Variants in BMP5 observed in about 807,000 individuals in gnomAD.
The protein encoded by BMP5 is bone morphogenetic protein 5.
Under a neutral mutation model 46.6 loss-of-function variants are expected in BMP5, and 23 were observed. The ratio of observed to expected loss-of-function variants is 0.49; its 90% CI spans 0.35 to 0.70. BMP5 has a LOEUF of 0.70. BMP5 is among the 30% of genes least tolerant of loss of function. BMP5 has a pLI of 0.00. For missense variants in BMP5, 545 were observed against 565.6 expected (o/e 0.96, Z 0.37); for synonymous variants, 204 against 191.9 (o/e 1.06, Z -0.52).
intron 1 of BMP5, among the ~76,000 whole-genome samples, chr6:55,823,190 T>C (rs1460657261): frequency 1.3e-5 from 2 of 152,110 alleles, no homozygotes; most frequent in African/African-American, 2.4e-5. Flanking sequence ...ACCACCTACA[T>C]AATGACATCC....
chr6:55,777,120 C>T (rs201018078), intron 3 of BMP5, among the ~76,000 whole-genome samples: 1 of 152,034 alleles, frequency 6.6e-6, no homozygotes, highest in African/African-American at 2.4e-5. Context: ...TACCCTTGGT[C>T]TTGAGCTACA....
At chr6:55,873,401 A>G (rs569265328) in intron 1 of BMP5, among the ~76,000 whole-genome samples, 1 of 151,962 alleles carries the variant, frequency 6.6e-6, no homozygotes, top group African/African-American at 2.4e-5. Context: ...AACATAAAAT[A>G]TATTCGATGT....
In BMP5 at chr6:55,872,030, A is replaced by G. The variant is rs564742160; in HGVS notation, c.490+2346T>C. On this transcript the variant is annotated intron_variant, in intron 1 of 6. Transcript: ENST00000370830. ...GATATTACATTTAAAAAGCACTGGC[A>G]CTCTTATTGCAGCTAATAATGTTAT... Among the ~76,000 whole-genome samples, 526 of 151,866 alleles carry G rather than the reference A, an allele frequency of 3.5e-3. 2 individuals are homozygous for G. The highest frequency in any genetic ancestry group is 6.0e-3 in the Non-Finnish European group (405 of 67,700).
rs768403901 is a variant in BMP5 at position 55,760,518 on chromosome 6, T to A, written c.1043A>T (p.Glu348Val). ...GTGCTTCTTACAGGCTTGTTTTTGC[T>A]CACTTGTGTTATAATCTGAAGATAA... ...MSSVGDYNTS[E>V]QKQACKKHEL... Residue 348 changes from glutamate to valine, a missense_variant, in exon 5 of 7, where the codon GAG (glutamate) becomes GTG (valine). Glu to Val is a moderately radical substitution (Grantham distance 121). Coordinates refer to ENST00000370830, the MANE Select transcript of BMP5 (RefSeq NM_021073.4). 1.2e-5 allele frequency: 19 copies of A among 1,613,106 alleles called. No individual in the cohort carries two copies. The highest frequency in any genetic ancestry group is 1.5e-5 in the Non-Finnish European group (18 of 1,179,294).
intron 3 of BMP5, among the ~76,000 whole-genome samples, chr6:55,794,072 T>TCCC (rs2127528905): frequency 6.6e-6 from 1 of 152,252 alleles, no homozygotes; most frequent in South Asian, 2.1e-4. Flanking sequence ...CTTCTTTACC[T>TCCC]CCCACCCCAG....
intron 2 of BMP5, among the ~76,000 whole-genome samples, chr6:55,815,682 A>T (rs543539233): frequency 2.6e-5 from 4 of 152,310 alleles, no homozygotes; most frequent in African/African-American, 9.6e-5. Flanking sequence ...TCAGAGGTGC[A>T]AGATAAACAA....
chr6:55,808,821 T>C (rs571538609), intron 2 of BMP5, among the ~76,000 whole-genome samples: 2 of 152,288 alleles, frequency 1.3e-5, no homozygotes, highest in East Asian at 1.9e-4. Flanking sequence ...TGACAGAACC[T>C]GGATACCTCG....
At chr6:55,841,651 G>T (rs543243526) in intron 1 of BMP5, among the ~76,000 whole-genome samples, 1 of 152,070 alleles carries the variant, frequency 6.6e-6, no homozygotes, top group Non-Finnish European at 1.5e-5. Flanking sequence ...GCATGCAGAT[G>T]GTCACCCTCT....
intron 4 of BMP5, among the ~76,000 whole-genome samples, chr6:55,772,078 T>C (rs1480811176): frequency 6.6e-6 from 1 of 151,884 alleles, no homozygotes; most frequent in African/African-American, 2.4e-5. Context: ...CTTCTTCTTA[T>C]CAAAATATGA....
At chr6:55,812,322 A>T (rs1196472077) in intron 2 of BMP5, among the ~76,000 whole-genome samples, 1 of 152,228 alleles carries the variant, frequency 6.6e-6, no homozygotes, top group East Asian at 1.9e-4. Flanking sequence ...AAATGGTAGG[A>T]ATAAAATATA....
intron 4 of BMP5, among the ~76,000 whole-genome samples, chr6:55,761,573 A>G (rs769818757): frequency 6.6e-6 from 1 of 151,748 alleles, no homozygotes; most frequent in Non-Finnish European, 1.5e-5. Context: ...CCTTGCTCCC[A>G]CTTTAGAGCC....
At chr6:55,766,814 C>A (rs1774926908) in intron 4 of BMP5, among the ~76,000 whole-genome samples, 1 of 151,936 alleles carries the variant, frequency 6.6e-6, no homozygotes, top group Non-Finnish European at 1.5e-5. Context: ...AGCCATTTGA[C>A]AATGGTCCAT....
intron 1 of BMP5, among the ~76,000 whole-genome samples, chr6:55,869,930 C>A (rs1777740436): frequency 6.6e-6 from 1 of 152,026 alleles, no homozygotes; most frequent in South Asian, 2.1e-4. Flanking sequence ...CTCTAGCAAA[C>A]CAGGACGAAA....
chr6:55,806,758 G>A (rs1409273225), intron 2 of BMP5, among the ~76,000 whole-genome samples: 1 of 152,118 alleles, frequency 6.6e-6, no homozygotes, highest in Non-Finnish European at 1.5e-5. Flanking sequence ...GTAGTAGTTT[G>A]TAGTTTTCCT....
intron 4 of BMP5, among the ~76,000 whole-genome samples, chr6:55,771,426 A>T (rs771954085): frequency 1.3e-5 from 2 of 149,394 alleles, no homozygotes; most frequent in Non-Finnish European, 3.0e-5. Flanking sequence ...CTGAAGAGGA[A>T]CAAGCAGTGC....
chr6:55,820,863 C>A (rs113699680), intron 1 of BMP5, among the ~76,000 whole-genome samples: 1 of 152,058 alleles, frequency 6.6e-6, no homozygotes, highest in Admixed American at 6.6e-5. Context: ...TCTTTAGTAA[C>A]CTTCCAAACA....
intron 3 of BMP5, among the ~76,000 whole-genome samples, chr6:55,778,083 G>A (rs950958508): frequency 2.0e-5 from 3 of 152,020 alleles, no homozygotes; most frequent in South Asian, 2.1e-4. Flanking sequence ...GACAACACTG[G>A]GAGTTTTAAT....
intron 1 of BMP5, among the ~76,000 whole-genome samples, chr6:55,858,526 A>C (rs1419202869): frequency 6.6e-6 from 1 of 152,248 alleles, no homozygotes; most frequent in Admixed American, 6.5e-5. Flanking sequence ...GAAGAAACAC[A>C]AATAAAAGAG....
At position 55,839,403 on chromosome 6, in the gene BMP5, G is replaced by T. The variant is rs532510089; in HGVS notation, c.491-19556C>A. Among the ~76,000 whole-genome samples the T allele has an allele frequency of 2.0e-5, 3 of 152,102 alleles. No individual in the cohort carries two copies. The South Asian group carries it at 6.2e-4, about 32-fold the overall frequency. On this transcript the variant is annotated intron_variant, in intron 1 of 6. Transcript: ENST00000370830. ...AGTGGTACAATCATAGCTCACTGCA[G>T]CCTCCTGAGCTCAAGCAATCCTCTC...
Sources: allele counts gnomAD v4.1 joint callset (sites outside exome capture counted in the v4.1 genomes callset), GRCh38; gene constraint gnomAD v4.1.1; transcripts MANE v1.5; gene names NCBI Gene and HGNC (gene_info 2026-07-23, HGNC 2026-07-21).